Variants in ARHGAP30 observed in about 807,000 individuals in gnomAD.
The protein encoded by ARHGAP30 is rho GTPase-activating protein 30.
In ARHGAP30, 23 loss-of-function variants were observed where a neutral mutation model predicts 72.0. The ratio of observed to expected loss-of-function variants is 0.32; its 90% CI spans 0.23 to 0.45. ARHGAP30 has a LOEUF of 0.45. Among genes scored for constraint, ARHGAP30 ranks in the 20% least tolerant of loss-of-function variants. ARHGAP30 has a pLI of 1.00. For missense variants in ARHGAP30, 1,319 were observed against 1,383.4 expected, an observed-to-expected ratio of 0.95 and a Z score of 0.74; for synonymous variants, 576 against 528.2, an observed-to-expected ratio of 1.09 and a Z score of -1.24.
At chr1:161,064,780 A>AAGAAAG (rs1652577571) in intron 1 of ARHGAP30, among the ~76,000 whole-genome samples, 1 of 40,874 alleles carries the variant, frequency 2.4e-5, no homozygotes, top group African/African-American at 1.4e-4. Flanking sequence ...AAAGAAAGAA[A>AAGAAAG]AAGAAAGAAA....
intron 3 of ARHGAP30, among the ~76,000 whole-genome samples, chr1:161,054,975 C>T (rs371117582): frequency 2.0e-5 from 3 of 152,148 alleles, no homozygotes; most frequent in African/African-American, 7.2e-5. Flanking sequence ...AGCTCTGGTA[C>T]TGGGATACTT....
chr1:161,053,196 C>A, intron 6 of ARHGAP30, 62 bp downstream of exon 6: 4 of 1,598,828 alleles, frequency 2.5e-6, no homozygotes, highest in Non-Finnish European at 3.4e-6. Flanking sequence ...ATCTTCAAGG[C>A]TCTCTGTAAC....
In ARHGAP30 at chr1:161,049,411, C is replaced by A. The variant is rs574872500; in HGVS notation, c.1686+13G>T. On this transcript the variant is annotated intron_variant, in intron 11 of 11. Coordinates refer to ENST00000368013, the MANE Select transcript of ARHGAP30 (RefSeq NM_001025598.2). ...CTCCATGCCACCCCCAAACCCAGCA[C>A]GGCTCTCCTTACCTGAGGCCCAACT... 10 of 1,602,448 alleles carry A rather than the reference C, an allele frequency of 6.2e-6. No individual in the cohort carries two copies. The Admixed American group carries it at 1.5e-4, about 24-fold the overall frequency.
rs367683709 is a variant in ARHGAP30 at position 161,048,980 on chromosome 1, T to G, written c.2041A>C (p.Thr681Pro). 1 of 1,613,734 alleles carries G rather than the reference T, an allele frequency of 6.2e-7. No homozygotes were observed. Among genetic ancestry groups the G allele is most frequent in the South Asian group, 1.1e-5 (1 of 91,080 alleles). Residue 681 changes from threonine to proline, a missense_variant, in exon 12 of 12, where the codon ACC becomes CCC. Thr to Pro is a conservative substitution (Grantham distance 38, BLOSUM62 -1). Around this residue, in one of 2 missense-constraint regions of ARHGAP30, gnomAD observed 1,097 missense variants for 1,045.2 expected, o/e 1.05. Coordinates refer to ENST00000368013, the MANE Select transcript of ARHGAP30 (RefSeq NM_001025598.2). ...CTGGCCTTTCCAGCCTCCACCTTGG[T>G]CTCTGGACTTCCCTCTGCCTCTTCC... is the stretch of plus-strand genomic sequence containing the variant. ...IREEAEGSPE[T>P]KVEAGKASED...
intron 2 of ARHGAP30, 82 bp downstream of exon 2, chr1:161,059,532 T>C: frequency 1.6e-6 from 2 of 1,218,988 alleles, no homozygotes; most frequent in South Asian, 1.4e-5. Context: ...TCCCCATCTC[T>C]GCTGTCCTCA....
Position 161,051,538 on chromosome 1 carries a change from C to T in ARHGAP30, c.1196G>A (p.Gly399Glu), listed in dbSNP as rs772206035. The change falls in exon 10 of 12, where the codon GGG becomes GAG. Residue 399 changes from glycine to glutamate, a missense_variant. Gly to Glu is a moderately conservative substitution (Grantham distance 98). Transcript: ENST00000368013. Reference sequence around the variant, plus strand: ...ACAGCGTTCTGCACGGCTGCTGCCCCCAGCCCGGATGGCTGACCGCCCAGC... The same window carrying T: ...ACAGCGTTCTGCACGGCTGCTGCCCTCAGCCCGGATGGCTGACCGCCCAGC... ...PRAGRSAIRA[G>E]GSSRAERCAG... 5.6e-6 allele frequency: 9 copies of T among 1,614,192 alleles called. No individual in the cohort carries two copies. Among genetic ancestry groups the T allele is most frequent in the Non-Finnish European group, 6.8e-6 (8 of 1,180,048 alleles).
chr1:161,048,399 A>G lies in ARHGAP30; in HGVS notation c.2622T>C (p.Cys874=). ...AAGAGTGAGGATTGCCCTCTTTGGC[A>G]CAGTCAACCTCCAGGGACGCTACAC... ...GSGVASLEVD[C]AKEGNPHSSE... Residue 874 remains cysteine, a synonymous_variant, in exon 12 of 12, where the codon TGT becomes TGC. Transcript: ENST00000368013. The G allele has an allele frequency of 6.2e-7, 1 of 1,614,080 alleles. No homozygotes were observed. The highest frequency in any genetic ancestry group is 8.5e-7 in the Non-Finnish European group (1 of 1,180,022).
chr1:161,051,608 C>T lies in ARHGAP30; in HGVS notation c.1126G>A (p.Ala376Thr). The T allele has an allele frequency of 1.2e-6, 2 of 1,613,658 alleles. No homozygotes were observed. The highest frequency in any genetic ancestry group is 1.1e-5 in the South Asian group (1 of 91,090). ...EAAEGEQEPEAEALGGTNSEP... is the reference protein window; with the variant it reads ...EAAEGEQEPETEALGGTNSEP... ...GAGTTTGTGCCACCCAGTGCTTCTG[C>T]CTCAGGCTCCTGTTCACCCTCTGCT... Residue 376 changes from alanine to threonine, a missense_variant, in exon 10 of 12, where the codon GCA (alanine) becomes ACA (threonine). Coordinates refer to ENST00000368013, the MANE Select transcript of ARHGAP30 (RefSeq NM_001025598.2).
Position 161,056,433 on chromosome 1 carries a change from T to A in ARHGAP30, c.300A>T (p.Glu100Asp), listed in dbSNP as rs771444840. 6 of 1,614,030 alleles carry A rather than the reference T, an allele frequency of 3.7e-6. No homozygotes were observed. In the South Asian group the frequency reaches 6.6e-5, roughly 18 times the overall value. The change falls in exon 3 of 12, where the codon GAA becomes GAT. Residue 100 changes from glutamate to aspartate, a missense_variant. This residue lies in a region of ARHGAP30 where 222 missense variants were observed against 338.2 expected (regional missense o/e 0.66). Transcript: ENST00000368013. ...VSSLCKAYFR[E>D]LPDPLLTYRL... is the part of the protein sequence containing the mutation. ...GGTAAGTGAGCAGGGGATCCGGCAGTTCTCTGAAATAGGCCTTGCACAGGG... is the reference window on the plus strand; with the variant it reads ...GGTAAGTGAGCAGGGGATCCGGCAGATCTCTGAAATAGGCCTTGCACAGGG...
chr1:161,050,295 C>CTT lies in ARHGAP30; in HGVS notation c.1421-608_1421-607dup, dbSNP rs34136308. ...AATCCTGCAATCACAGCACTTGGAC[C>CTT]TTTTTTTTTTTTTTTTTTTTTGAGA... is the stretch of plus-strand genomic sequence containing the variant. On this transcript the variant is annotated intron_variant, in intron 10 of 11. Coordinates refer to ENST00000368013, the MANE Select transcript of ARHGAP30 (RefSeq NM_001025598.2). Among the ~76,000 whole-genome samples, 404 of 118,606 alleles carry CTT rather than the reference C, an allele frequency of 3.4e-3. 4 individuals are homozygous for CTT. The highest frequency in any genetic ancestry group is 4.9e-3 in the Middle Eastern group (1 of 206). The allele number at this position is 118,606 out of a possible 152,430, so 77.8% of individuals were successfully genotyped here.
chr1:161,051,444 C>G lies in ARHGAP30; in HGVS notation c.1290G>C (p.Val430=). ...AAACGTTAGAGATGATGTTCGGGGG[C>G]ACACTGAGGATAGAGGTGATGTGTA... ...LPLHITSILS[V]PPNIISNVSL... Residue 430 remains valine, a synonymous_variant, in exon 10 of 12, where the codon GTG becomes GTC. Transcript: ENST00000368013. 6.2e-7 allele frequency: 1 copy of G among 1,614,230 alleles called. No individual in the cohort carries two copies. The highest frequency in any genetic ancestry group is 8.5e-7 in the Non-Finnish European group (1 of 1,180,036).
chr1:161,052,974 G>T, intron 6 of ARHGAP30, 177 bp from the exon 7 acceptor site: 1 of 945,778 alleles, frequency 1.1e-6, no homozygotes, highest in Non-Finnish European at 1.5e-6. Flanking sequence ...AAAGAGGGCT[G>T]GGAGATCCGA....
chr1:161,058,028 G>A (rs1652005215), intron 2 of ARHGAP30, among the ~76,000 whole-genome samples: 1 of 152,190 alleles, frequency 6.6e-6, no homozygotes, highest in Non-Finnish European at 1.5e-5. Flanking sequence ...GCGCTCGCCT[G>A]TAATCCCAGC....
rs761202064 is a variant in ARHGAP30 at position 161,049,241 on chromosome 1, C to T, written c.1780G>A (p.Ala594Thr). The change falls in exon 12 of 12, where the codon GCT becomes ACT. Residue 594 changes from alanine to threonine, a missense_variant. Transcript: ENST00000368013. The part of the protein sequence containing the change: ...LAPSCCSLDS[A>T]GPRPEVEEEN... ...TCCTCAACTTCAGGCCTGGGGCCAG[C>T]GGAGTCCAGGGAACAGCAGCTGGGG... is the stretch of plus-strand genomic sequence containing the variant. 8.9e-5 allele frequency: 144 copies of T among 1,614,024 alleles called. No individual in the cohort carries two copies. In the Middle Eastern group the frequency reaches 1.6e-3, roughly 18 times the overall value.
intron 2 of ARHGAP30, among the ~76,000 whole-genome samples, chr1:161,056,794 G>T (rs184662288): frequency 6.6e-6 from 1 of 152,200 alleles, no homozygotes; most frequent in Admixed American, 6.5e-5. Context: ...TGTAGCTGTA[G>T]ATATGTGTAG....
At chr1:161,053,139 T>C in intron 6 of ARHGAP30, 119 bp downstream of exon 6, 3 of 1,424,792 alleles carry the variant, frequency 2.1e-6, no homozygotes, top group Non-Finnish European at 2.9e-6. Flanking sequence ...GTTCTCTCCA[T>C]GTGGCCACTA....
In ARHGAP30 at chr1:161,051,636, C is replaced by CTTGTGTCTCCA; in HGVS notation, c.1097_1098insTGGAGACACAA (p.Glu366AspfsTer152). 6.2e-7 allele frequency: 1 copy of CTTGTGTCTCCA among 1,613,244 alleles called. No homozygotes were observed. ...CAGGCTCCTGTTCACCCTCTGCTGC[C>CTTGTGTCTCCA]TCTATAGAATCGTTCTCCAAGCTCT... On this transcript the variant is annotated frameshift_variant, in exon 10 of 12. Coordinates refer to ENST00000368013, the MANE Select transcript of ARHGAP30 (RefSeq NM_001025598.2). LOFTEE classifies it high-confidence loss of function.
At chr1:161,061,950 T>A (rs1652341222) in intron 1 of ARHGAP30, among the ~76,000 whole-genome samples, 1 of 152,102 alleles carries the variant, frequency 6.6e-6, no homozygotes, top group Non-Finnish European at 1.5e-5. Context: ...TAGCCGGGCG[T>A]GGCAGCGCAC....
chr1:161,059,722 G>T lies in ARHGAP30; in HGVS notation c.98-6C>A, dbSNP rs768765374. On this transcript the variant is annotated splice_polypyrimidine_tract_variant and splice_region_variant and intron_variant, in intron 1 of 11. Transcript: ENST00000368013. The stretch of plus-strand genomic sequence containing the variant: ...GCTCTTTAGCACCTGGGGCACTGGG[G>T]ACACAGACGGGGCAGAGACATAGAA... The T allele has an allele frequency of 6.2e-7, 1 of 1,610,384 alleles. No individual in the cohort carries two copies. The highest frequency in any genetic ancestry group is 1.3e-5 in the African/African-American group (1 of 74,822).
Sources: gnomAD v4.1 joint callset for allele counts (sites outside exome capture counted in the v4.1 genomes callset) on GRCh38, gnomAD v4.1.1 for gene constraint, gnomAD v4.1.1 regional missense constraint, MANE v1.5 for transcripts, NCBI Gene and HGNC (gene_info 2026-07-23, HGNC 2026-07-21) for gene names.